The following ZNF827 variants were observed in gnomAD, a reference collection of about 807,000 sequenced individuals.
The protein encoded by ZNF827 is zinc finger protein 827.
Under a neutral mutation model 102.4 loss-of-function variants are expected in ZNF827, and 13 were observed. The ratio of observed to expected loss-of-function variants is 0.13; its 90% CI spans 0.08 to 0.20. ZNF827 has a LOEUF of 0.20. Ranked by LOEUF, ZNF827 falls within the 10% of genes least tolerant of loss-of-function variation. The pLI, the probability that ZNF827 is intolerant of heterozygous loss-of-function variation, is 1.00. For synonymous variants in ZNF827, 523 were observed against 536.2 expected, an observed-to-expected ratio of 0.98 and a Z score of 0.34; for missense variants, 1,103 against 1,344.4, an observed-to-expected ratio of 0.82 and a Z score of 2.81.
intron 5 of ZNF827, among the ~76,000 whole-genome samples, chr4:145,852,204 C>A (rs974199593): frequency 1.3e-5 from 2 of 152,206 alleles, no homozygotes; most frequent in African/African-American, 4.8e-5. Flanking sequence ...CAGAAAGAAG[C>A]TCTGTTATTT....
chr4:145,923,327 A>G (rs1429631501), intron 1 of ZNF827, among the ~76,000 whole-genome samples: 1 of 152,130 alleles, frequency 6.6e-6, no homozygotes, highest in Non-Finnish European at 1.5e-5. Context: ...AATGCAGGCC[A>G]GGTGCGGAGG....
intron 4 of ZNF827, among the ~76,000 whole-genome samples, chr4:145,878,691 G>A (rs947274905): frequency 6.7e-6 from 1 of 150,124 alleles, no homozygotes; most frequent in African/African-American, 2.5e-5. Context: ...GGGAGAGAGA[G>A]GAAGGGAGGA....
Position 145,849,467 on chromosome 4 carries a change from C to T in ZNF827, c.2076G>A (p.Arg692=), listed in dbSNP as rs2126656219. The T allele has an allele frequency of 1.2e-6, 2 of 1,614,148 alleles. No individual in the cohort carries two copies. Among genetic ancestry groups the T allele is most frequent in the East Asian group, 4.5e-5 (2 of 44,884 alleles). ...CGATTAAAGTGCTGTAGCCAACATT[C>T]CGGCTGGGTGATATCGAGACATGGG... is the stretch of plus-strand genomic sequence containing the variant. ...QDSHVSISPS[R]NVGYSTLIGR... The change falls in exon 6 of 15, where the codon CGG becomes CGA. Residue 692 remains arginine (R), a synonymous_variant. Coordinates refer to ENST00000508784, the MANE Select transcript of ZNF827 (RefSeq NM_001306215.2).
Position 145,849,482 on chromosome 4 carries a change from C to T in ZNF827, c.2061G>A (p.Ser687=), listed in dbSNP as rs763792276. 13 of 1,614,038 alleles carry T rather than the reference C, an allele frequency of 8.1e-6. No homozygotes were observed. Among genetic ancestry groups the T allele is most frequent in the South Asian group, 4.4e-5 (4 of 91,080 alleles). Residue 687 remains serine, a synonymous_variant, in exon 6 of 15, where the codon TCG becomes TCA. Coordinates refer to ENST00000508784, the MANE Select transcript of ZNF827 (RefSeq NM_001306215.2). The part of the protein sequence containing the change: ...MEVDIQDSHV[S]ISPSRNVGYS... Reference sequence around the variant, plus strand: ...AGCCAACATTCCGGCTGGGTGATATCGAGACATGGGAGTCCTGGATGTCAA... The same window carrying T: ...AGCCAACATTCCGGCTGGGTGATATTGAGACATGGGAGTCCTGGATGTCAA...
At chr4:145,856,682 TACACACACACAC>T (rs58347486) in intron 5 of ZNF827, among the ~76,000 whole-genome samples, 20,802 of 141,824 alleles carry the variant, frequency 0.15, 2,314 homozygotes, top group East Asian at 0.57. Flanking sequence ...AGTACACACA[TACACACACACAC>T]ACACACACAC....
chr4:145,869,761 C>T (rs1053136821), intron 5 of ZNF827, among the ~76,000 whole-genome samples: 3 of 152,134 alleles, frequency 2.0e-5, no homozygotes, highest in Non-Finnish European at 4.4e-5. Context: ...AATTCTCTAT[C>T]CATAAAATCT....
chr4:145,857,421 T>C (rs1426230835), intron 5 of ZNF827, among the ~76,000 whole-genome samples: 1 of 152,204 alleles, frequency 6.6e-6, no homozygotes, highest in Non-Finnish European at 1.5e-5. Flanking sequence ...GCTTTACTCT[T>C]ACGTAGATTT....
At chr4:145,799,355 A>C (rs1315086564) in intron 8 of ZNF827, among the ~76,000 whole-genome samples, 5 of 152,220 alleles carry the variant, frequency 3.3e-5, no homozygotes, top group African/African-American at 9.6e-5. Context: ...ATATGACATC[A>C]TTAATCCTCA....
chr4:145,878,627 A>C (rs534533326), intron 4 of ZNF827, among the ~76,000 whole-genome samples: 2 of 144,682 alleles, frequency 1.4e-5, no homozygotes, highest in African/African-American at 5.5e-5. Flanking sequence ...AAGGAAAGGA[A>C]AGGAAAGGAA....
intron 1 of ZNF827, among the ~76,000 whole-genome samples, chr4:145,930,244 G>A (rs1005197747): frequency 4.5e-4 from 68 of 152,324 alleles, no homozygotes; most frequent in African/African-American, 1.6e-3. Context: ...CAAAAGCTCA[G>A]ATAAGCAGAG....
Position 145,766,971 on chromosome 4 carries a change from G to T in ZNF827, c.2861-1233C>A, listed in dbSNP as rs75556620. ...TAGCTATCTGCATCCTAAAACAAAG[G>T]TCAAGAGTATGTATAGGAATATAAA... On this transcript the variant is annotated intron_variant, in intron 11 of 14. Coordinates refer to ENST00000508784, the MANE Select transcript of ZNF827 (RefSeq NM_001306215.2). Among the ~76,000 whole-genome samples the T allele has an allele frequency of 9.2e-3, 1,396 of 152,218 alleles. 23 individuals are homozygous for T. Among genetic ancestry groups the T allele is most frequent in the African/African-American group, 0.032 (1,333 of 41,518 alleles).
At position 145,902,208 on chromosome 4, in the gene ZNF827, GTAA is replaced by G. The variant is rs779430476; in HGVS notation, c.1048_1050del (p.Leu351del). 1.9e-6 allele frequency: 3 copies of G among 1,549,622 alleles called. No individual in the cohort carries two copies. ...GAAACTCTTCCCTTAGGAACTGGGA[GTAA>G]TAATAATTCCAGGGATTGTGGTGGT... On this transcript the variant is annotated inframe_deletion, in exon 2 of 15. Coordinates refer to ENST00000508784, the MANE Select transcript of ZNF827 (RefSeq NM_001306215.2). This position sits in a 1 kb window ranked among gnomAD's most constrained non-coding sequence, Gnocchi z 4.3.
intron 11 of ZNF827, among the ~76,000 whole-genome samples, chr4:145,773,677 G>A (rs1310454156): frequency 6.6e-6 from 1 of 152,230 alleles, no homozygotes; most frequent in East Asian, 1.9e-4. Context: ...AATGGAAGAA[G>A]TTAACCAGAA....
chr4:145,895,022 C>T (rs917579876), intron 2 of ZNF827, among the ~76,000 whole-genome samples: 1 of 152,108 alleles, frequency 6.6e-6, no homozygotes, highest in Admixed American at 6.6e-5. Context: ...GTTGTAAGAA[C>T]ATCAAAATAA....
At chr4:145,910,186 C>T (rs1379359033) in intron 1 of ZNF827, among the ~76,000 whole-genome samples, 1 of 152,120 alleles carries the variant, frequency 6.6e-6, no homozygotes, top group African/African-American at 2.4e-5. Context: ...ATTTGGCACA[C>T]AGCAACATTT....
intron 1 of ZNF827, among the ~76,000 whole-genome samples, chr4:145,904,039 A>C (rs1751635709): frequency 6.6e-6 from 1 of 151,854 alleles, no homozygotes; most frequent in Non-Finnish European, 1.5e-5. Flanking sequence ...TCTTTTCATT[A>C]TTTTCTATTT....
chr4:145,882,416 C>T (rs933118900), intron 4 of ZNF827, among the ~76,000 whole-genome samples: 1 of 152,106 alleles, frequency 6.6e-6, no homozygotes, highest in African/African-American at 2.4e-5. Flanking sequence ...TTTGAAGGAC[C>T]AAGCAGTGTT....
intron 8 of ZNF827, among the ~76,000 whole-genome samples, chr4:145,780,727 G>C (rs1737847919): frequency 6.6e-6 from 1 of 152,220 alleles, no homozygotes. Context: ...ATGGGCCACT[G>C]ATAGGCTTTT....
rs1444659174 is a variant in ZNF827, at chr4:145,902,865, G to A, written c.394C>T (p.Leu132Phe). The change falls in exon 2 of 15, where the codon CTC becomes TTC. Residue 132 changes from leucine to phenylalanine, a missense_variant. This residue lies in a region of ZNF827 where 441 missense variants were observed against 458.6 expected (regional missense o/e 0.96). Transcript: ENST00000508784. The surrounding 1 kb of genome is among the most constrained non-coding windows in gnomAD (Gnocchi z 4.3). ...GCCGTGGCTGCAGCATCGAGTTTGA[G>A]GGAACCAGCCTCCAGCAGCCGCCTC... ...NLRRLLEAGS[L>F]KLDAAATANG... 1.2e-5 allele frequency: 20 copies of A among 1,614,038 alleles called. No homozygotes were observed. The highest frequency in any genetic ancestry group is 1.6e-5 in the Non-Finnish European group (19 of 1,180,038).
Sources: allele counts gnomAD v4.1 joint callset (sites outside exome capture counted in the v4.1 genomes callset), GRCh38; gene constraint gnomAD v4.1.1; regional missense constraint gnomAD v4.1.1; non-coding constraint Gnocchi (gnomAD v3.1); transcripts MANE v1.5; gene names NCBI Gene and HGNC (gene_info 2026-07-23, HGNC 2026-07-21).